Variants in RTN3 observed in about 807,000 individuals in gnomAD.
The protein encoded by RTN3 is reticulon-3.
RTN3 carries 49 observed loss-of-function variants against 77.8 expected under a neutral mutation model. The ratio of observed to expected loss-of-function variants is 0.63; its 90% confidence interval spans 0.50 to 0.80. The LOEUF (loss-of-function observed/expected upper bound fraction) is 0.80. Among genes scored for constraint, RTN3 ranks in the 30% least tolerant of loss-of-function variants. The pLI is 0.00. For synonymous variants in RTN3, 464 were observed against 446.9 expected (o/e 1.04, Z -0.48); for missense variants, 1,236 against 1,211.9 (o/e 1.02, Z -0.29).
At chr11:63,702,517 T>C (rs1942290990) in intron 1 of RTN3, among the ~76,000 whole-genome samples, 1 of 151,706 alleles carries the variant, frequency 6.6e-6, no homozygotes, top group African/African-American at 2.4e-5. Context: ...AGTTTCACCA[T>C]GTTGGCCAGG....
intron 1 of RTN3, among the ~76,000 whole-genome samples, chr11:63,701,517 CTT>C (rs1224812168): frequency 6.6e-6 from 1 of 152,074 alleles, no homozygotes; most frequent in Non-Finnish European, 1.5e-5. Context: ...GTTCTACAGG[CTT>C]TATAGGGAGC....
chr11:63,715,622 C>T (rs1288195387), intron 2 of RTN3, among the ~76,000 whole-genome samples: 1 of 152,126 alleles, frequency 6.6e-6, no homozygotes, highest in Non-Finnish European at 1.5e-5. Flanking sequence ...TGCACCACTG[C>T]ACTCCAGCCT....
chr11:63,697,372 C>T (rs966125777), intron 1 of RTN3, among the ~76,000 whole-genome samples: 3 of 151,476 alleles, frequency 2.0e-5, no homozygotes, highest in Non-Finnish European at 4.4e-5. Context: ...GTGGTTCCAT[C>T]TCAGCTCACT....
intron 3 of RTN3, among the ~76,000 whole-genome samples, chr11:63,724,808 A>T (rs999952516): frequency 1.3e-5 from 2 of 151,984 alleles, no homozygotes; most frequent in African/African-American, 2.4e-5. Flanking sequence ...ATCCTTTTTT[A>T]AAAATGTGCA....
intron 3 of RTN3, among the ~76,000 whole-genome samples, chr11:63,724,195 TTTTTTG>T: frequency 7.1e-6 from 1 of 141,446 alleles, no homozygotes; most frequent in African/African-American, 2.7e-5. Flanking sequence ...TTTTTTTTTT[TTTTTTG>T]AGACAGAGTC....
intron 3 of RTN3, among the ~76,000 whole-genome samples, chr11:63,734,779 A>ACCCC (rs1218679610): frequency 2.8e-5 from 2 of 70,286 alleles, no homozygotes; most frequent in Non-Finnish European, 6.5e-5. Flanking sequence ...ACACACACAC[A>ACCCC]CACCATACTG....
chr11:63,696,375 C>T lies in RTN3; in HGVS notation c.143-8476C>T, dbSNP rs1465855058. ...TCACACCACTGCACTCCAGCCTGGG[C>T]AACAAAACAAGACTCTGTCTCAAAA... On this transcript the variant is annotated intron_variant, in intron 1 of 8. Transcript: ENST00000377819. 3.4e-5 allele frequency among the ~76,000 whole-genome samples: 5 copies of T among 148,712 alleles called. No homozygotes were observed. In the East Asian group the frequency reaches 1.0e-3, roughly 31 times the overall value.
In RTN3 at chr11:63,719,293, CATATAAG is replaced by C; in HGVS notation, c.792_798del (p.Tyr265ArgfsTer31). 6.2e-7 allele frequency: 1 copy of C among 1,614,118 alleles called. No individual in the cohort carries two copies. The highest frequency in any genetic ancestry group is 8.5e-7 in the Non-Finnish European group (1 of 1,180,022). On this transcript the variant is annotated frameshift_variant, in exon 3 of 9. Transcript: ENST00000377819. LOFTEE classifies it high-confidence loss of function. ...GCATTTGACAAAGAATTTAAAGACT[CATATAAG>C]GAGAGCACAGATGATTTTGGTAGCT...
At position 63,720,720 on chromosome 11, in the gene RTN3, C is replaced by G; in HGVS notation, c.2218C>G (p.Gln740Glu). 6.2e-7 allele frequency: 1 copy of G among 1,614,136 alleles called. No homozygotes were observed. The highest frequency in any genetic ancestry group is 8.5e-7 in the Non-Finnish European group (1 of 1,180,008). Residue 740 changes from glutamine (Q) to glutamate (E), a missense_variant, in exon 3 of 9, where the codon CAA becomes GAA. This residue lies in a region of RTN3 where 1,056 missense variants were observed against 990.4 expected (regional missense o/e 1.07). Coordinates refer to ENST00000377819, the MANE Select transcript of RTN3 (RefSeq NM_001265589.2). ...GTPVASLDLE[Q>E]EQLTIKALKE... ...TCCAGTAGCATCTCTTGACTTAGAA[C>G]AAGAACAGCTCACAATTAAGGCTCT... is the stretch of plus-strand genomic sequence containing the variant.
At chr11:63,698,265 C>CCCA (rs1942066995) in intron 1 of RTN3, among the ~76,000 whole-genome samples, 1 of 152,058 alleles carries the variant, frequency 6.6e-6, no homozygotes, top group Non-Finnish European at 1.5e-5. Context: ...GCTGGGACTA[C>CCCA]AGGAGCAAGC....
At chr11:63,723,675 C>T (rs2011994532) in intron 3 of RTN3, among the ~76,000 whole-genome samples, 2 of 152,102 alleles carry the variant, frequency 1.3e-5, no homozygotes, top group Admixed American at 1.3e-4. Flanking sequence ...GATCCGCCTG[C>T]GTTGGCCTCT....
chr11:63,736,902 A>G (rs1227728284), intron 3 of RTN3, among the ~76,000 whole-genome samples: 2 of 151,918 alleles, frequency 1.3e-5, no homozygotes, highest in African/African-American at 2.4e-5. Flanking sequence ...GTCCACAGTT[A>G]GGGGCAGGGG....
At chr11:63,738,228 C>CT (rs201122956) in intron 3 of RTN3, among the ~76,000 whole-genome samples, 422 of 151,924 alleles carry the variant, frequency 2.8e-3, no homozygotes, top group Admixed American at 8.7e-3. Flanking sequence ...AAAACATGGC[C>CT]TTTTTTTTCC....
intron 3 of RTN3, among the ~76,000 whole-genome samples, chr11:63,725,354 A>T (rs778304641): frequency 7.9e-5 from 12 of 151,800 alleles, no homozygotes; most frequent in Non-Finnish European, 1.5e-4. Context: ...TTATATGAAT[A>T]TATTATTTTC....
At chr11:63,684,904 C>T (rs1047949144) in intron 1 of RTN3, among the ~76,000 whole-genome samples, 3 of 151,664 alleles carry the variant, frequency 2.0e-5, no homozygotes, top group Admixed American at 2.0e-4. Flanking sequence ...GGATTACAGA[C>T]ATGCACCACC....
intron 1 of RTN3, among the ~76,000 whole-genome samples, chr11:63,690,546 A>G (rs1941601678): frequency 6.6e-6 from 1 of 152,170 alleles, no homozygotes; most frequent in South Asian, 2.1e-4. Context: ...ATGGGGACTC[A>G]GGCACAGAGA....
At chr11:63,713,649 A>T (rs944071456) in intron 2 of RTN3, among the ~76,000 whole-genome samples, 11 of 152,150 alleles carry the variant, frequency 7.2e-5, no homozygotes, top group Admixed American at 7.2e-4. Flanking sequence ...CTATGACTTT[A>T]TTTGTTAATA....
At chr11:63,702,362 T>A (rs1470523035) in intron 1 of RTN3, among the ~76,000 whole-genome samples, 2 of 151,874 alleles carry the variant, frequency 1.3e-5, no homozygotes, top group Non-Finnish European at 2.9e-5. Context: ...TCGCCCAGGC[T>A]GGAGTGCAAT....
At chr11:63,709,202 A>G (rs960676612) in intron 2 of RTN3, among the ~76,000 whole-genome samples, 3 of 152,210 alleles carry the variant, frequency 2.0e-5, no homozygotes, top group African/African-American at 7.2e-5. Context: ...TTTGAAGTTA[A>G]TATTAAAATC....
Sources: gnomAD v4.1 joint callset for allele counts (sites outside exome capture counted in the v4.1 genomes callset) on GRCh38, gnomAD v4.1.1 for gene constraint, gnomAD v4.1.1 regional missense constraint, MANE v1.5 for transcripts, NCBI Gene and HGNC (gene_info 2026-07-23, HGNC 2026-07-21) for gene names.